Variants in HHAT observed in about 807,000 individuals in gnomAD.
The protein encoded by HHAT is hedgehog acyltransferase, also known as protein-cysteine N-palmitoyltransferase HHAT.
Under a neutral mutation model 70.8 loss-of-function variants are expected in HHAT, and 47 were observed. That is an observed-to-expected ratio of 0.66 (90% CI 0.53 to 0.85). The LOEUF is 0.85. Ranked by LOEUF, HHAT falls within the 40% of genes least tolerant of loss-of-function variation. HHAT has a pLI of 0.00. For synonymous variants in HHAT, 228 were observed against 247.6 expected (o/e 0.92, Z 0.74); for missense variants, 609 against 604.8 (o/e 1.01, Z -0.07).
intron 8 of HHAT, among the ~76,000 whole-genome samples, chr1:210,511,593 C>T (rs375987929): frequency 6.6e-6 from 1 of 151,958 alleles, no homozygotes; most frequent in Non-Finnish European, 1.5e-5. Flanking sequence ...CAGACCCCCC[C>T]TCGAGGGTGA....
chr1:210,513,765 T>C (rs2095002269), intron 9 of HHAT, among the ~76,000 whole-genome samples: 1 of 152,246 alleles, frequency 6.6e-6, no homozygotes, highest in South Asian at 2.1e-4. Context: ...GCATATTTTG[T>C]CTGCTATCAA....
intron 7 of HHAT, among the ~76,000 whole-genome samples, chr1:210,457,662 C>A (rs982938357): frequency 2.6e-5 from 4 of 152,180 alleles, no homozygotes; most frequent in Admixed American, 2.6e-4. Flanking sequence ...CCAATCCTGG[C>A]AAACGCTGGC....
chr1:210,339,597 GC>G (rs2085821329), intron 1 of HHAT, among the ~76,000 whole-genome samples: 1 of 152,208 alleles, frequency 6.6e-6, no homozygotes, highest in East Asian at 1.9e-4. Context: ...CAGAGGAGGA[GC>G]CCTGGCCTGG....
intron 11 of HHAT, among the ~76,000 whole-genome samples, chr1:210,667,480 C>G (rs755666623): frequency 9.2e-5 from 14 of 152,224 alleles, no homozygotes; most frequent in Non-Finnish European, 2.1e-4. Flanking sequence ...AATGCTTAAT[C>G]TATGATTAAT....
intron 7 of HHAT, among the ~76,000 whole-genome samples, chr1:210,436,201 A>G (rs376263305): frequency 6.6e-6 from 1 of 151,814 alleles, no homozygotes; most frequent in East Asian, 1.9e-4. Flanking sequence ...TCCCAGCACC[A>G]TTTATTGAAG....
intron 6 of HHAT, among the ~76,000 whole-genome samples, chr1:210,407,644 C>T (rs2092385010): frequency 6.6e-6 from 1 of 152,180 alleles, no homozygotes; most frequent in Non-Finnish European, 1.5e-5. Flanking sequence ...TGTGCCTTAA[C>T]TTGAAGGCTA....
At chr1:210,453,318 C>A (rs2093793006) in intron 7 of HHAT, among the ~76,000 whole-genome samples, 1 of 152,144 alleles carries the variant, frequency 6.6e-6, no homozygotes, top group South Asian at 2.1e-4. Context: ...AAAATTAATG[C>A]AGTGTAAACC....
intron 10 of HHAT, among the ~76,000 whole-genome samples, chr1:210,596,558 A>AAGTGT (rs1663053636): frequency 6.6e-6 from 1 of 151,826 alleles, no homozygotes; most frequent in Admixed American, 6.6e-5. Flanking sequence ...GCTCATCTTC[A>AAGTGT]AGTGTGCTAA....
rs1013207249 is a variant in HHAT, at chr1:210,456,827, T to G, written c.857-7678T>G. ...TCAATGCTAGAGATGACTGAATTCCTTTTGCTTCTTTAGCCCCTCTGGCCG... is the reference window on the plus strand; with the variant it reads ...TCAATGCTAGAGATGACTGAATTCCGTTTGCTTCTTTAGCCCCTCTGGCCG... On this transcript the variant is annotated intron_variant, in intron 7 of 11. Transcript: ENST00000261458. Among the ~76,000 whole-genome samples, 9 of 152,334 alleles carry G rather than the reference T, an allele frequency of 5.9e-5. 1 individual carries two copies. Among genetic ancestry groups the G allele is most frequent in the Non-Finnish European group, 1.0e-4 (7 of 68,028 alleles).
rs549204641 is a variant in HHAT, at chr1:210,329,381, C to G, written c.-44+277C>G. On this transcript the variant is annotated intron_variant, in intron 1 of 11. Coordinates refer to ENST00000261458, the MANE Select transcript of HHAT (RefSeq NM_018194.6). ...TGCCCACGTCCTCTCTCCTTGGCTT[C>G]GTCCCCAGCTTCCGGAACTGCTGCG... The G allele has an allele frequency of 3.4e-6, 4 of 1,160,728 alleles. No individual in the cohort carries two copies. The African/African-American group carries it at 6.4e-5, about 18-fold the overall frequency. 71.9% of individuals were successfully genotyped at this position (1,160,728 alleles called of 1,614,324 possible).
At chr1:210,328,868 C>T (rs2084727889), upstream of HHAT, 3 of 479,544 alleles carry the variant, frequency 6.3e-6, no homozygotes, top group Admixed American at 4.5e-5. Context: ...CGGAGAGCGC[C>T]GCGGGTTCCC....
chr1:210,535,475 A>T (rs2148646565), intron 9 of HHAT, among the ~76,000 whole-genome samples: 1 of 150,528 alleles, frequency 6.6e-6, no homozygotes, highest in African/African-American at 2.5e-5. Context: ...AATATAAATA[A>T]TCTGTCTTTC....
At chr1:210,662,399 G>GT (rs1453144431) in intron 11 of HHAT, among the ~76,000 whole-genome samples, 5 of 152,234 alleles carry the variant, frequency 3.3e-5, no homozygotes, top group African/African-American at 1.2e-4. Context: ...TGCCATCCCT[G>GT]TTTCAGGAAA....
At chr1:210,530,313 A>G (rs143943651) in intron 9 of HHAT, among the ~76,000 whole-genome samples, 38 of 152,344 alleles carry the variant, frequency 2.5e-4, no homozygotes, top group African/African-American at 9.1e-4. Flanking sequence ...TAGTAAATAC[A>G]TATCAGCCTT....
intron 2 of HHAT, among the ~76,000 whole-genome samples, chr1:210,350,546 T>C (rs1303969708): frequency 3.3e-5 from 5 of 152,230 alleles, no homozygotes; most frequent in Non-Finnish European, 7.3e-5. Flanking sequence ...GTAAATGATA[T>C]TGTTTTAAAT....
At chr1:210,513,310 A>G in intron 9 of HHAT, 122 bp downstream of exon 9, 1 of 558,940 alleles carries the variant, frequency 1.8e-6, no homozygotes. Context: ...ACTTGTCAAG[A>G]AAACATTGCT....
chr1:210,405,040 A>G (rs928698274), intron 6 of HHAT, among the ~76,000 whole-genome samples: 4 of 152,226 alleles, frequency 2.6e-5, no homozygotes, highest in African/African-American at 9.6e-5. Context: ...TTGAAGGAAT[A>G]GAAAAGGAAA....
intron 7 of HHAT, among the ~76,000 whole-genome samples, chr1:210,460,256 T>G (rs755671711): frequency 1.3e-5 from 2 of 152,206 alleles, no homozygotes; most frequent in Admixed American, 6.5e-5. Context: ...CAAGGTCACA[T>G]TGCAGAAGAC....
intron 9 of HHAT, among the ~76,000 whole-genome samples, chr1:210,563,947 TTTTGTTTG>T (rs775488908): frequency 1.3e-5 from 2 of 151,906 alleles, no homozygotes; most frequent in African/African-American, 4.8e-5. Context: ...ACTACATTGT[TTTTGTTTG>T]TTTGTTTGTT....
Sources: gnomAD v4.1 joint callset for allele counts (sites outside exome capture counted in the v4.1 genomes callset) on GRCh38, gnomAD v4.1.1 for gene constraint, MANE v1.5 for transcripts, NCBI Gene and HGNC (gene_info 2026-07-23, HGNC 2026-07-21) for gene names.